Variants in IRS1 observed in about 807,000 individuals in gnomAD.
IRS1 encodes the protein insulin receptor substrate 1.
In IRS1, 34 loss-of-function variants were observed where a neutral mutation model predicts 65.6. That is an observed-to-expected ratio of 0.52 (90% CI 0.39 to 0.69). The LOEUF is 0.69. Ranked by LOEUF, IRS1 falls within the 30% of genes least tolerant of loss-of-function variation. IRS1 has a pLI of 0.00. For missense variants in IRS1, 1,641 were observed against 1,720.2 expected, an observed-to-expected ratio of 0.95 and a Z score of 0.81; for synonymous variants, 699 against 683.5, an observed-to-expected ratio of 1.02 and a Z score of -0.35.
chr2:226,746,004 T>C (rs1938534782), intron 1 of IRS1, among the ~76,000 whole-genome samples: 1 of 152,194 alleles, frequency 6.6e-6, no homozygotes, highest in Non-Finnish European at 1.5e-5. Context: ...TACAAGGACC[T>C]GTCTACCTAC....
At chr2:226,774,504 T>G (rs1175682333) in intron 1 of IRS1, among the ~76,000 whole-genome samples, 1 of 152,170 alleles carries the variant, frequency 6.6e-6, no homozygotes, top group African/African-American at 2.4e-5. Flanking sequence ...TTGGACAATT[T>G]GGGGGAGGAA....
chr2:226,736,353 A>T (rs1390429711), intron 1 of IRS1, 103 bp from the exon 2 acceptor site: 1 of 152,206 alleles, frequency 6.6e-6, no homozygotes, highest in Admixed American at 6.5e-5. Flanking sequence ...CATAAACTGA[A>T]GTTACAGGCA....
rs1938286991 is a variant in IRS1, at chr2:226,734,357, AAATGATT to A, written c.*1908_*1914del. ...TTATCTTAGAAATTGATGAGCATGC[AAATGATT>A]AAAATCTGCAATAACGGACACTGCA... On this transcript the variant is annotated 3_prime_UTR_variant, in exon 2 of 2. Coordinates refer to ENST00000305123, the MANE Select transcript of IRS1 (RefSeq NM_005544.3). The A allele has an allele frequency of 1.3e-5, 2 of 152,242 alleles. No individual in the cohort carries two copies. Among genetic ancestry groups the A allele is most frequent in the South Asian group, 4.1e-4 (2 of 4,834 alleles). The allele number at this position is 152,242 out of a possible 1,614,324, so 9.4% of individuals were successfully genotyped here.
intron 1 of IRS1, among the ~76,000 whole-genome samples, chr2:226,791,309 C>T (rs1939590745): frequency 6.6e-6 from 1 of 152,262 alleles, no homozygotes; most frequent in African/African-American, 2.4e-5. Context: ...CTCCCTCCTG[C>T]TCGCGGATCT....
At chr2:226,783,925 G>A (rs1407466687) in intron 1 of IRS1, among the ~76,000 whole-genome samples, 1 of 151,894 alleles carries the variant, frequency 6.6e-6, no homozygotes, top group African/African-American at 2.4e-5. Flanking sequence ...GTGAGGACTG[G>A]GTCAGTCTGC....
Position 226,771,988 on chromosome 2 carries a change from C to T in IRS1, c.*21+23001G>A, listed in dbSNP as rs189310048. 2.0e-3 allele frequency among the ~76,000 whole-genome samples: 312 copies of T among 152,256 alleles called. 1 individual carries two copies. The highest frequency in any genetic ancestry group is 3.4e-3 in the Middle Eastern group (1 of 294). On this transcript the variant is annotated intron_variant, in intron 1 of 1. Transcript: ENST00000305123. Reference sequence around the variant, plus strand: ...TTCTATGCCAAGCTAATAAATGCAACCCAGTTTCCTAGAATTTAACAGTAC... The same window carrying T: ...TTCTATGCCAAGCTAATAAATGCAATCCAGTTTCCTAGAATTTAACAGTAC...
intron 1 of IRS1, among the ~76,000 whole-genome samples, chr2:226,764,294 A>G (rs58340088): frequency 0.077 from 11,652 of 152,080 alleles, 757 homozygotes; most frequent in African/African-American, 0.18. Context: ...CTGTAATCCC[A>G]GTAGTTTGGG....
In IRS1 at chr2:226,797,510, C is replaced by G; in HGVS notation, c.1229G>C (p.Arg410Pro). Reference sequence around the variant, plus strand: ...ACCAGACACCGAAGCACTAGATCGCCGTGGGAAGAGACAATCCGAGGTGGA... The same window carrying G: ...ACCAGACACCGAAGCACTAGATCGCGGTGGGAAGAGACAATCCGAGGTGGA... ...HGSTSDCLFP[R>P]RSSASVSGSP... is the part of the protein sequence containing the mutation. Residue 410 changes from arginine to proline, a missense_variant, in exon 1 of 2, where the codon CGG (arginine) becomes CCG (proline). Physicochemically the swap from Arg to Pro is moderately radical, Grantham distance 103 (BLOSUM62 -2). Coordinates refer to ENST00000305123, the MANE Select transcript of IRS1 (RefSeq NM_005544.3). This position sits in a 1 kb window ranked among gnomAD's most constrained non-coding sequence, Gnocchi z 8.1. 1 of 1,612,978 alleles carries G rather than the reference C, an allele frequency of 6.2e-7. No homozygotes were observed. The highest frequency in any genetic ancestry group is 8.5e-7 in the Non-Finnish European group (1 of 1,179,836).
rs948835452 is a variant in IRS1 at position 226,732,474 on chromosome 2, A to C, written c.*3798T>G. On this transcript the variant is annotated 3_prime_UTR_variant, in exon 2 of 2. Transcript: ENST00000305123. ...TTCTCACAAGCCTATACATCTATAT[A>C]TATATATATATATATATACACACAC... is the stretch of plus-strand genomic sequence containing the variant. The C allele has an allele frequency of 3.4e-5, 5 of 148,000 alleles. No individual in the cohort carries two copies. The highest frequency in any genetic ancestry group is 5.9e-5 in the Non-Finnish European group (4 of 67,296). 9.2% of individuals were successfully genotyped at this position (148,000 alleles called of 1,614,324 possible).
intron 1 of IRS1, among the ~76,000 whole-genome samples, chr2:226,789,505 A>G (rs1272922722): frequency 6.6e-6 from 1 of 152,248 alleles, no homozygotes; most frequent in Non-Finnish European, 1.5e-5. Flanking sequence ...AAATTGTGGA[A>G]GGCCTCCTAT....
intron 1 of IRS1, among the ~76,000 whole-genome samples, chr2:226,748,796 G>A (rs1445429930): frequency 2.0e-5 from 3 of 152,106 alleles, no homozygotes; most frequent in Non-Finnish European, 4.4e-5. Context: ...CAGCAAAGGG[G>A]GGATGCTCGG....
intron 1 of IRS1, among the ~76,000 whole-genome samples, chr2:226,751,324 C>G (rs954424214): frequency 8.2e-5 from 11 of 134,274 alleles, no homozygotes; most frequent in Admixed American, 7.6e-4. Context: ...CGCTTTGTCG[C>G]CCAGGCTGGA....
rs1453606419 is a variant in IRS1, at chr2:226,731,996, G to A, written c.*4276C>T. ...GAAGTCTAAAACACCAGATCTTTTGGTGTATACGTCACAAATGGCAAGTCA... is the reference window on the plus strand; with the variant it reads ...GAAGTCTAAAACACCAGATCTTTTGATGTATACGTCACAAATGGCAAGTCA... On this transcript the variant is annotated 3_prime_UTR_variant, in exon 2 of 2. Coordinates refer to ENST00000305123, the MANE Select transcript of IRS1 (RefSeq NM_005544.3). 6.6e-6 allele frequency: 1 copy of A among 152,108 alleles called. No individual in the cohort carries two copies. Among genetic ancestry groups the A allele is most frequent in the East Asian group, 1.9e-4 (1 of 5,194 alleles). The allele number at this position is 152,108 out of a possible 1,614,324, so 9.4% of individuals were successfully genotyped here.
At position 226,799,285 on chromosome 2, in the gene IRS1, A is replaced by AC. The variant is rs1219956156; in HGVS notation, c.-548dup. ...TCTCCCTCCTCCTTCGCCTCCTCCC[A>AC]CCCCCCAACCGTCCCAGCCGCCACC... is the stretch of plus-strand genomic sequence containing the variant. On this transcript the variant is annotated 5_prime_UTR_variant, in exon 1 of 2. An upstream open reading frame in the 5' UTR loses its in-frame stop. Coordinates refer to ENST00000305123, the MANE Select transcript of IRS1 (RefSeq NM_005544.3). This position sits in a 1 kb window ranked among gnomAD's most constrained non-coding sequence, Gnocchi z 6.1. 4.3e-6 allele frequency: 5 copies of AC among 1,170,622 alleles called. No individual in the cohort carries two copies. Among genetic ancestry groups the AC allele is most frequent in the African/African-American group, 1.7e-5 (1 of 59,054 alleles). 72.5% of individuals were successfully genotyped at this position (1,170,622 alleles called of 1,614,324 possible).
chr2:226,761,645 C>T (rs1574648663), intron 1 of IRS1, among the ~76,000 whole-genome samples: 1 of 152,124 alleles, frequency 6.6e-6, no homozygotes. Context: ...TTACTCTTCC[C>T]ACAAAGAATC....
At chr2:226,777,109 CA>C (rs1939288376) in intron 1 of IRS1, among the ~76,000 whole-genome samples, 1 of 152,082 alleles carries the variant, frequency 6.6e-6, no homozygotes, top group Non-Finnish European at 1.5e-5. Context: ...AACAGAAAAA[CA>C]AGGACATTAG....
chr2:226,765,348 T>A (rs1205183050), intron 1 of IRS1, among the ~76,000 whole-genome samples: 1 of 152,242 alleles, frequency 6.6e-6, no homozygotes, highest in Non-Finnish European at 1.5e-5. Context: ...TTTAAATTTT[T>A]ATTGACTAAC....
chr2:226,768,490 A>G (rs966619950), intron 1 of IRS1, among the ~76,000 whole-genome samples: 1 of 152,216 alleles, frequency 6.6e-6, no homozygotes, highest in Non-Finnish European at 1.5e-5. Context: ...ATAATCATCA[A>G]TAAGACTAAA....
At chr2:226,737,649 A>T (rs1938354425) in intron 1 of IRS1, among the ~76,000 whole-genome samples, 1 of 152,194 alleles carries the variant, frequency 6.6e-6, no homozygotes, top group Non-Finnish European at 1.5e-5. Flanking sequence ...TGTGAAGTAG[A>T]CATCAGTACA....
Sources: gnomAD v4.1 joint callset for allele counts (sites outside exome capture counted in the v4.1 genomes callset) on GRCh38, gnomAD v4.1.1 for gene constraint, Gnocchi (gnomAD v3.1) non-coding constraint, MANE v1.5 for transcripts, NCBI Gene and HGNC (gene_info 2026-07-23, HGNC 2026-07-21) for gene names.